The following TMEM167A variants were observed in gnomAD, a reference collection of about 807,000 sequenced individuals.
TMEM167A encodes transmembrane protein 167A, also known as protein kish-A.
A neutral mutation model predicts 11.6 loss-of-function variants in TMEM167A; 8 were observed. That is an observed-to-expected ratio of 0.69 (90% CI 0.40 to 1.24). TMEM167A has a LOEUF of 1.24. Ranked by LOEUF, TMEM167A falls within the 50% of genes most tolerant of loss-of-function variation. The pLI is 0.01. For synonymous variants in TMEM167A, 22 were observed against 28.0 expected, an observed-to-expected ratio of 0.79 and a Z score of 0.67; for missense variants, 62 against 87.0, an observed-to-expected ratio of 0.71 and a Z score of 1.14.
intron 1 of TMEM167A, among the ~76,000 whole-genome samples, chr5:83,073,038 T>G (rs370373233): frequency 1.6e-4 from 24 of 152,328 alleles, no homozygotes; most frequent in African/African-American, 5.3e-4. Flanking sequence ...CATAAAAAAT[T>G]TGCTTTTCTT....
At chr5:83,068,239 A>G (rs1372688457) in intron 1 of TMEM167A, among the ~76,000 whole-genome samples, 1 of 152,184 alleles carries the variant, frequency 6.6e-6, no homozygotes, top group Non-Finnish European at 1.5e-5. Flanking sequence ...CTGAGAAATG[A>G]GGCAGTGGGG....
intron 3 of TMEM167A, among the ~76,000 whole-genome samples, chr5:83,057,836 A>G (rs978380610): frequency 6.6e-6 from 1 of 152,090 alleles, no homozygotes; most frequent in East Asian, 1.9e-4. Flanking sequence ...CTTTGTACGA[A>G]GTAAATCTCA....
chr5:83,058,179 C>A (rs987206281), intron 3 of TMEM167A, among the ~76,000 whole-genome samples: 6 of 152,026 alleles, frequency 3.9e-5, no homozygotes, highest in Admixed American at 3.9e-4. Flanking sequence ...AGAAAATGTT[C>A]ATCCTGACCA....
At chr5:83,072,955 A>G (rs1434120409) in intron 1 of TMEM167A, among the ~76,000 whole-genome samples, 2 of 152,170 alleles carry the variant, frequency 1.3e-5, no homozygotes, top group Non-Finnish European at 2.9e-5. Flanking sequence ...CTGTGATGCC[A>G]TTTTCATGGA....
chr5:83,077,298 G>A (rs1466901752), intron 1 of TMEM167A, 23 bp downstream of exon 1: 1 of 1,614,152 alleles, frequency 6.2e-7, no homozygotes, highest in African/African-American at 1.3e-5. Context: ...GATCAACCGC[G>A]ACCTGGGAGC....
chr5:83,066,948 A>G (rs1744492244), intron 1 of TMEM167A, among the ~76,000 whole-genome samples: 1 of 152,136 alleles, frequency 6.6e-6, no homozygotes, highest in Non-Finnish European at 1.5e-5. Context: ...CCATGTTGTG[A>G]TGCAACATAA....
In TMEM167A at chr5:83,057,148, C is replaced by A. The variant is rs759697242; in HGVS notation, c.155G>T (p.Arg52Leu). 5.0e-6 allele frequency: 8 copies of A among 1,611,862 alleles called. No homozygotes were observed. Among genetic ancestry groups the A allele is most frequent in the South Asian group, 1.1e-5 (1 of 91,030 alleles). ...IFWKCARIGE[R>L]KSPYVAVCCI... is the part of the protein sequence containing the mutation. ...GCATACTGCAACATAAGGACTCTTC[C>A]GTTCACCTGTTGAAAAAAAGGAGAT... Residue 52 changes from arginine (R) to leucine (L), a missense_variant, in exon 4 of 4, where the codon CGG becomes CTG. Coordinates refer to ENST00000502346, the MANE Select transcript of TMEM167A (RefSeq NM_174909.5).
rs1367820757 is a variant in TMEM167A, at chr5:83,077,385, T to A, written c.-62A>T. 5 of 1,613,530 alleles carry A rather than the reference T, an allele frequency of 3.1e-6. No homozygotes were observed. In the South Asian group the frequency reaches 3.3e-5, roughly 11 times the overall value. ...CGGGGCTCAGGCGGAAGAGGCTGCA[T>A]GTCCCGTCTGCCCTTCTCGCCCTCT... is the stretch of plus-strand genomic sequence containing the variant. On this transcript the variant is annotated 5_prime_UTR_variant, in exon 1 of 4. It removes an upstream start codon present in the reference 5' UTR. Coordinates refer to ENST00000502346, the MANE Select transcript of TMEM167A (RefSeq NM_174909.5).
At chr5:83,068,857 T>C (rs115650831) in intron 1 of TMEM167A, among the ~76,000 whole-genome samples, 3,231 of 152,298 alleles carry the variant, frequency 0.021, 47 homozygotes, top group Non-Finnish European at 0.032. Context: ...AAAGAAAACA[T>C]GCTTAAATGA....
chr5:83,067,864 C>T (rs541068539), intron 1 of TMEM167A, among the ~76,000 whole-genome samples: 1 of 152,168 alleles, frequency 6.6e-6, no homozygotes, highest in South Asian at 2.1e-4. Flanking sequence ...CTAAGTGACA[C>T]TTTTATGGTC....
intron 1 of TMEM167A, among the ~76,000 whole-genome samples, chr5:83,065,624 T>A (rs200516162): frequency 4.0e-5 from 6 of 151,606 alleles, no homozygotes; most frequent in South Asian, 2.1e-4. Flanking sequence ...AAAAAAAAAA[T>A]GTTCATTGGA....
chr5:83,054,986 G>A lies in TMEM167A; in HGVS notation c.*2098C>T, dbSNP rs765032367. 2 of 151,930 alleles carry A rather than the reference G, an allele frequency of 1.3e-5. No homozygotes were observed. Among genetic ancestry groups the A allele is most frequent in the Non-Finnish European group, 2.9e-5 (2 of 67,912 alleles). The allele number at this position is 151,930 out of a possible 1,614,324, so 9.4% of individuals were successfully genotyped here. A position where few individuals can be genotyped will look rare whatever the true frequency, so the allele number is the denominator to read the frequency against. ...CACTGCCCCTTGGGTTAGAGAACAGGATTCCGTGGTCCTCTTTGAAAAATA... is the reference window on the plus strand; with the variant it reads ...CACTGCCCCTTGGGTTAGAGAACAGAATTCCGTGGTCCTCTTTGAAAAATA... On this transcript the variant is annotated 3_prime_UTR_variant, in exon 4 of 4. Transcript: ENST00000502346.
At chr5:83,072,822 A>T (rs372600661) in intron 1 of TMEM167A, among the ~76,000 whole-genome samples, 2 of 152,184 alleles carry the variant, frequency 1.3e-5, no homozygotes, top group Non-Finnish European at 2.9e-5. Context: ...AGAGAAGATC[A>T]GCACCCACAT....
intron 1 of TMEM167A, among the ~76,000 whole-genome samples, chr5:83,074,971 C>T (rs959047778): frequency 6.6e-6 from 1 of 152,102 alleles, no homozygotes; most frequent in Non-Finnish European, 1.5e-5. Flanking sequence ...GGTTTCTCCA[C>T]ACTGGTCAGG....
intron 1 of TMEM167A, among the ~76,000 whole-genome samples, chr5:83,073,542 T>C (rs552526514): frequency 1.3e-5 from 2 of 152,350 alleles, no homozygotes; most frequent in South Asian, 4.1e-4. Flanking sequence ...GCTGGCTATT[T>C]GCTATTTCAG....
At chr5:83,064,292 A>G (rs1458216552) in intron 2 of TMEM167A, 1 of 518,866 alleles carries the variant, frequency 1.9e-6, no homozygotes, top group South Asian at 1.4e-5. Context: ...TGTTATGAAC[A>G]TATTCCTGCT....
intron 2 of TMEM167A, among the ~76,000 whole-genome samples, chr5:83,063,510 G>T (rs1339106793): frequency 6.6e-6 from 1 of 152,044 alleles, no homozygotes. Context: ...AGGTCTTTTT[G>T]GGTCTAATAT....
At chr5:83,071,845 T>C (rs1047888443) in intron 1 of TMEM167A, among the ~76,000 whole-genome samples, 1 of 152,096 alleles carries the variant, frequency 6.6e-6, no homozygotes, top group Non-Finnish European at 1.5e-5. Context: ...CACAAAATAT[T>C]TGGGTTAATG....
At chr5:83,076,398 A>T (rs1380810611) in intron 1 of TMEM167A, among the ~76,000 whole-genome samples, 1 of 152,238 alleles carries the variant, frequency 6.6e-6, no homozygotes. Flanking sequence ...AGATAATAAA[A>T]AGAGTTATCT....
Sources: gnomAD v4.1 joint callset for allele counts (sites outside exome capture counted in the v4.1 genomes callset) on GRCh38, gnomAD v4.1.1 for gene constraint, MANE v1.5 for transcripts, NCBI Gene and HGNC (gene_info 2026-07-23, HGNC 2026-07-21) for gene names.